The following OSBPL2 variants were observed in gnomAD, a reference collection of about 807,000 sequenced individuals.
OSBPL2 encodes oxysterol binding protein like 2, also known as oxysterol-binding protein-related protein 2.
OSBPL2 carries 18 observed loss-of-function variants against 58.4 expected under a neutral mutation model. The ratio of observed to expected loss-of-function variants is 0.31; its 90% CI spans 0.21 to 0.46. OSBPL2 has a LOEUF of 0.46. OSBPL2 is among the 20% of genes least tolerant of loss of function. The probability of loss-of-function intolerance (pLI) is 1.00; values close to 1 mark genes in which losing one functional copy is unlikely to be tolerated. For synonymous variants in OSBPL2, 221 were observed against 234.1 expected, an observed-to-expected ratio of 0.94 and a Z score of 0.51; for missense variants, 461 against 616.5, an observed-to-expected ratio of 0.75 and a Z score of 2.67.
At chr20:62,245,281 A>G (rs988230239) in intron 1 of OSBPL2, among the ~76,000 whole-genome samples, 4 of 151,854 alleles carry the variant, frequency 2.6e-5, no homozygotes, top group African/African-American at 9.7e-5. Context: ...TTTAGTAGAG[A>G]TGGGGTTTTG....
At position 62,289,896 on chromosome 20, in the gene OSBPL2, C is replaced by T. The variant is rs866680442; in HGVS notation, c.1249+566C>T. On this transcript the variant is annotated intron_variant, in intron 12 of 13. Transcript: ENST00000313733. ...CTCCAGCCAGGGCGACAGAGTGAGA[C>T]CCTGCCTCACAAACAAACAACAACA... 3.9e-5 allele frequency among the ~76,000 whole-genome samples: 6 copies of T among 152,210 alleles called. No individual in the cohort carries two copies. In the South Asian group the frequency reaches 1.2e-3, roughly 32 times the overall value.
chr20:62,281,779 T>C lies in OSBPL2; in HGVS notation c.783-11T>C. The C allele has an allele frequency of 6.3e-7, 1 of 1,593,146 alleles. No individual in the cohort carries two copies. The highest frequency in any genetic ancestry group is 8.6e-7 in the Non-Finnish European group (1 of 1,161,888). ...TCTTGCAGCAGAAACCTGTGTTTGT[T>C]TTTCTCACAGAACTGGACATAAGTG... On this transcript the variant is annotated splice_polypyrimidine_tract_variant and intron_variant, in intron 8 of 13. Coordinates refer to ENST00000313733, the MANE Select transcript of OSBPL2 (RefSeq NM_144498.4).
chr20:62,257,137 T>C (rs1188527379), intron 2 of OSBPL2, among the ~76,000 whole-genome samples: 1 of 152,228 alleles, frequency 6.6e-6, no homozygotes, highest in Non-Finnish European at 1.5e-5. Flanking sequence ...AGGGTCTCTA[T>C]GGCCATGCCC....
chr20:62,272,362 C>T, intron 5 of OSBPL2, 103 bp downstream of exon 5: 1 of 1,259,430 alleles, frequency 7.9e-7, no homozygotes, highest in East Asian at 2.4e-5. Flanking sequence ...AGGACTCGCA[C>T]AGCTCCCCCC....
intron 1 of OSBPL2, among the ~76,000 whole-genome samples, chr20:62,252,475 G>A (rs1304000909): frequency 6.6e-6 from 1 of 152,148 alleles, no homozygotes. Context: ...TCAAAGTCAC[G>A]AGGTTTCCTT....
intron 1 of OSBPL2, among the ~76,000 whole-genome samples, chr20:62,255,542 C>T (rs1387791513): frequency 3.9e-5 from 6 of 152,196 alleles, no homozygotes; most frequent in East Asian, 1.9e-4. Context: ...CTCATTTTGT[C>T]ACCCAGGCTG....
chr20:62,263,842 G>C (rs1981483622), intron 4 of OSBPL2, 151 bp downstream of exon 4: 1 of 660,666 alleles, frequency 1.5e-6, no homozygotes, highest in Non-Finnish European at 2.7e-6. Flanking sequence ...GAGGTGGGCG[G>C]ATCACGAGGT....
intron 10 of OSBPL2, chr20:62,286,045 C>G (rs532280471): frequency 6.3e-6 from 1 of 159,414 alleles, no homozygotes; most frequent in Non-Finnish European, 1.4e-5. Flanking sequence ...CAGCACAGCC[C>G]TACGAAGGGA....
At chr20:62,247,987 A>C (rs1601149204) in intron 1 of OSBPL2, among the ~76,000 whole-genome samples, 1 of 151,672 alleles carries the variant, frequency 6.6e-6, no homozygotes, top group South Asian at 2.1e-4. Flanking sequence ...CTAAGACAGA[A>C]CCCCATCGTT....
At chr20:62,249,786 GCTGGT>G (rs991899516) in intron 1 of OSBPL2, among the ~76,000 whole-genome samples, 3 of 152,284 alleles carry the variant, frequency 2.0e-5, no homozygotes, top group Non-Finnish European at 2.9e-5. Context: ...TGTTGGTCAG[GCTGGT>G]CTGAACTCCC....
intron 4 of OSBPL2, among the ~76,000 whole-genome samples, 186 bp downstream of exon 4, chr20:62,263,877 AAC>A (rs1261641024): frequency 4.6e-5 from 7 of 152,258 alleles, no homozygotes; most frequent in African/African-American, 1.7e-4. Context: ...CATCCTGGCT[AAC>A]ACAGTGAAAC....
chr20:62,259,865 C>T, intron 2 of OSBPL2, 116 bp from the exon 3 acceptor site: 1 of 884,558 alleles, frequency 1.1e-6, no homozygotes, highest in East Asian at 2.4e-5. Flanking sequence ...CCAAATGTGT[C>T]CGTTCACACA....
intron 4 of OSBPL2, among the ~76,000 whole-genome samples, chr20:62,267,632 A>C (rs1361020260): frequency 6.6e-6 from 1 of 152,192 alleles, no homozygotes; most frequent in African/African-American, 2.4e-5. Context: ...TTGGGCCAAC[A>C]GGCTCCACCT....
rs1177502165 is a variant in OSBPL2, at chr20:62,268,946, A to C, written c.259-3179A>C. Among the ~76,000 whole-genome samples, 3 of 152,052 alleles carry C rather than the reference A, an allele frequency of 2.0e-5. No homozygotes were observed. The East Asian group carries it at 5.8e-4, about 29-fold the overall frequency. The stretch of plus-strand genomic sequence containing the variant: ...GCAGTGCATGCCTGTAATCCCAGCT[A>C]CTTGGGAGGCTGAGGCAGGCGAATC... On this transcript the variant is annotated intron_variant, in intron 4 of 13. Coordinates refer to ENST00000313733, the MANE Select transcript of OSBPL2 (RefSeq NM_144498.4).
chr20:62,251,037 ATTTTTT>A (rs35328509), intron 1 of OSBPL2, among the ~76,000 whole-genome samples: 7 of 97,808 alleles, frequency 7.2e-5, no homozygotes, highest in African/African-American at 2.4e-4. Flanking sequence ...AGAGCAATAG[ATTTTTT>A]TTTTTTTTTT....
chr20:62,261,101 A>G (rs1280138289), intron 3 of OSBPL2, among the ~76,000 whole-genome samples: 3 of 152,092 alleles, frequency 2.0e-5, no homozygotes. Flanking sequence ...GCGGATCATG[A>G]GGTCAGGAGA....
intron 8 of OSBPL2, chr20:62,281,465 T>C: frequency 4.0e-6 from 2 of 499,456 alleles, no homozygotes; most frequent in South Asian, 5.5e-5. Context: ...CGTTGGCCAC[T>C]GTCTAGGCTT....
chr20:62,252,549 C>T (rs945665703), intron 1 of OSBPL2, among the ~76,000 whole-genome samples: 5 of 152,144 alleles, frequency 3.3e-5, no homozygotes, highest in South Asian at 2.1e-4. Context: ...CTCTGCTGGG[C>T]GAGGTGCCAG....
At chr20:62,282,033 T>C in intron 9 of OSBPL2, 154 bp downstream of exon 9, 3 of 471,132 alleles carry the variant, frequency 6.4e-6, no homozygotes, top group Non-Finnish European at 1.2e-5. Context: ...GACTCTTTTT[T>C]GTTTTGGAAA....
Sources: allele counts gnomAD v4.1 joint callset (sites outside exome capture counted in the v4.1 genomes callset), GRCh38; gene constraint gnomAD v4.1.1; transcripts MANE v1.5; gene names NCBI Gene and HGNC (gene_info 2026-07-23, HGNC 2026-07-21).